AGBL1: variants seen among roughly 807,000 people sequenced by gnomAD.
The protein encoded by AGBL1 is AGBL carboxypeptidase 1, also known as cytosolic carboxypeptidase 4.
AGBL1 carries 130 observed loss-of-function variants against 118.9 expected under a neutral mutation model. The observed-to-expected ratio is 1.09, with a 90% CI of 0.95 to 1.26. The LOEUF (loss-of-function observed/expected upper bound fraction) is 1.26, where lower values mean the gene tolerates loss of function less well. AGBL1 is among the 50% of genes most tolerant of loss of function. The probability of loss-of-function intolerance (pLI) is 0.00; values close to 1 mark genes in which losing one functional copy is unlikely to be tolerated. For missense variants in AGBL1, 1,584 were observed against 1,298.1 expected (o/e 1.22, Z -3.38); for synonymous variants, 555 against 478.9 (o/e 1.16, Z -2.08).
At chr15:86,542,173 A>T (rs979035674) in intron 19 of AGBL1, among the ~76,000 whole-genome samples, 1 of 152,188 alleles carries the variant, frequency 6.6e-6, no homozygotes, top group African/African-American at 2.4e-5. Context: ...GGCATAATGT[A>T]GGGGAGAGTA....
intron 22 of AGBL1, among the ~76,000 whole-genome samples, chr15:86,831,937 C>A (rs2079110408): frequency 6.6e-6 from 1 of 152,214 alleles, no homozygotes; most frequent in African/African-American, 2.4e-5. Flanking sequence ...TTCCATACGT[C>A]TTCTGAAATC....
At chr15:86,854,402 T>A (rs964442373) in intron 22 of AGBL1, among the ~76,000 whole-genome samples, 1 of 152,058 alleles carries the variant, frequency 6.6e-6, no homozygotes, top group African/African-American at 2.4e-5. Context: ...ACAGATGAGG[T>A]GAACTGTGGT....
intron 22 of AGBL1, among the ~76,000 whole-genome samples, chr15:86,862,405 G>T (rs1231303740): frequency 6.6e-6 from 1 of 152,150 alleles, no homozygotes; most frequent in Non-Finnish European, 1.5e-5. Flanking sequence ...ATCTGAATTT[G>T]TATATCCTTA....
chr15:86,579,380 T>C (rs745922933), intron 21 of AGBL1, among the ~76,000 whole-genome samples: 1 of 152,234 alleles, frequency 6.6e-6, no homozygotes, highest in African/African-American at 2.4e-5. Context: ...ACTTTTAATG[T>C]AATATGAATT....
chr15:86,320,863 T>C (rs2080094919), intron 17 of AGBL1, among the ~76,000 whole-genome samples: 1 of 152,214 alleles, frequency 6.6e-6, no homozygotes, highest in South Asian at 2.1e-4. Flanking sequence ...AATTATCAGA[T>C]AGTTTTTCTC....
chr15:86,269,791 T>C, intron 13 of AGBL1, 128 bp from the exon 14 acceptor site: 1 of 1,115,396 alleles, frequency 9.0e-7, no homozygotes, highest in East Asian at 2.6e-5. Context: ...TAAGTATAAC[T>C]TACCAGCTGG....
intron 22 of AGBL1, among the ~76,000 whole-genome samples, chr15:86,860,739 T>C (rs1268220738): frequency 2.0e-5 from 3 of 148,360 alleles, no homozygotes; most frequent in African/African-American, 4.9e-5. Flanking sequence ...TGTGTGTGTG[T>C]GCCTATGAAG....
In AGBL1 at chr15:86,237,031, T is replaced by C. The variant is rs551016358; in HGVS notation, c.527-10640T>C. On this transcript the variant is annotated intron_variant, in intron 6 of 22. Transcript: ENST00000614907. ...GTGGGCCCAGTTTCTAATGGTGGAC[T>C]CAGTTTTTAATGGCCCACATTTGCA... Among the ~76,000 whole-genome samples the C allele has an allele frequency of 1.4e-4, 21 of 148,652 alleles. No individual in the cohort carries two copies. In the South Asian group the frequency reaches 3.4e-3, roughly 24 times the overall value.
intron 21 of AGBL1, among the ~76,000 whole-genome samples, chr15:86,617,760 G>GCGCGCACACA (rs1190179367): frequency 4.8e-4 from 70 of 146,922 alleles, no homozygotes; most frequent in African/African-American, 1.7e-3. Flanking sequence ...AACTTTATGC[G>GCGCGCACACA]CACACACACA....
chr15:87,004,951 C>A (rs139149490), intron 24 of AGBL1, among the ~76,000 whole-genome samples: 5,201 of 152,200 alleles, frequency 0.034, 127 homozygotes, highest in Middle Eastern at 0.068. Context: ...ACTTATGAAG[C>A]TTAGTTTGGC....
intron 22 of AGBL1, among the ~76,000 whole-genome samples, chr15:86,880,150 C>A (rs2079870261): frequency 6.6e-6 from 1 of 152,194 alleles, no homozygotes; most frequent in African/African-American, 2.4e-5. Flanking sequence ...TATCATCAGA[C>A]AATGGAATCT....
intron 23 of AGBL1, chr15:86,939,670 A>T (rs2080722601): frequency 6.6e-6 from 1 of 152,238 alleles, no homozygotes; most frequent in South Asian, 2.1e-4. Flanking sequence ...TCAAAGGCTA[A>T]CGTGATGTTT....
At chr15:86,789,575 T>C (rs74025489) in intron 22 of AGBL1, among the ~76,000 whole-genome samples, 2,666 of 152,294 alleles carry the variant, frequency 0.018, 76 homozygotes, top group African/African-American at 0.06. Context: ...TTATACCTCC[T>C]GGCCAATGAT....
At chr15:86,880,906 C>A (rs1475641760) in intron 22 of AGBL1, among the ~76,000 whole-genome samples, 1 of 152,142 alleles carries the variant, frequency 6.6e-6, no homozygotes, top group African/African-American at 2.4e-5. Context: ...ACTGTAGATT[C>A]CCATTGAACT....
intron 18 of AGBL1, among the ~76,000 whole-genome samples, chr15:86,479,730 A>G (rs2082622366): frequency 6.6e-6 from 1 of 152,212 alleles, no homozygotes; most frequent in Non-Finnish European, 1.5e-5. Flanking sequence ...CCATCCCATT[A>G]CTGGGTATAT....
chr15:86,365,851 G>C (rs1185861676), intron 17 of AGBL1, among the ~76,000 whole-genome samples: 2 of 152,118 alleles, frequency 1.3e-5, no homozygotes, highest in Non-Finnish European at 2.9e-5. Flanking sequence ...TTCCCTGTCA[G>C]GGCCAATCTG....
intron 22 of AGBL1, among the ~76,000 whole-genome samples, chr15:86,727,601 A>G (rs1207480981): frequency 1.3e-5 from 2 of 152,190 alleles, no homozygotes; most frequent in Non-Finnish European, 2.9e-5. Flanking sequence ...TTTCAAACTC[A>G]AATGTAAAGA....
At chr15:86,669,607 A>G (rs1243145957) in intron 21 of AGBL1, among the ~76,000 whole-genome samples, 1 of 152,206 alleles carries the variant, frequency 6.6e-6, no homozygotes, top group African/African-American at 2.4e-5. Context: ...AATCTACTTC[A>G]GAAAATCCAA....
chr15:86,651,399 A>C (rs1009358344), intron 21 of AGBL1, among the ~76,000 whole-genome samples: 5 of 152,188 alleles, frequency 3.3e-5, no homozygotes, highest in Non-Finnish European at 5.9e-5. Context: ...TTCAAAGAGG[A>C]TTAGATTCTG....
Sources: allele counts gnomAD v4.1 joint callset (sites outside exome capture counted in the v4.1 genomes callset), GRCh38; gene constraint gnomAD v4.1.1; transcripts MANE v1.5; gene names NCBI Gene and HGNC (gene_info 2026-07-23, HGNC 2026-07-21).